The following CEP44 variants were observed in gnomAD, a reference collection of about 807,000 sequenced individuals.
CEP44 encodes centrosomal protein 44, also known as centrosomal protein of 44 kDa.
Under a neutral mutation model 46.7 loss-of-function variants are expected in CEP44, and 45 were observed. That is an observed-to-expected ratio of 0.96 (90% CI 0.76 to 1.24). CEP44 has a LOEUF of 1.24. CEP44 is among the 50% of genes most tolerant of loss of function. The pLI is 0.00. For synonymous variants in CEP44, 142 were observed against 146.0 expected (o/e 0.97, Z 0.20); for missense variants, 475 against 459.7 (o/e 1.03, Z -0.30).
chr4:174,304,359 C>A lies in CEP44; in HGVS notation c.497C>A (p.Thr166Asn). 3 of 1,609,208 alleles carry A rather than the reference C, an allele frequency of 1.9e-6. No homozygotes were observed. The highest frequency in any genetic ancestry group is 2.5e-6 in the Non-Finnish European group (3 of 1,178,706). Residue 166 changes from threonine to asparagine, a missense_variant, in exon 6 of 12, where the codon ACC becomes AAC. Thr to Asn is a moderately conservative substitution (Grantham distance 65). Coordinates refer to ENST00000503780, the MANE Select transcript of CEP44 (RefSeq NM_001040157.3). Reference sequence around the variant, plus strand: ...GTTGATATCAGTGGCAGGTTTATGACCTCAGGAAAGGTATGCAACCACAAA... The same window carrying A: ...GTTGATATCAGTGGCAGGTTTATGAACTCAGGAAAGGTATGCAACCACAAA... ...VGVDISGRFM[T>N]SGKKKAVVIR... is the part of the protein sequence containing the mutation.
At chr4:174,332,906 G>A (rs1316993072) in exon 9 of CEP44, 7 of 152,090 alleles carry the variant, frequency 4.6e-5, no homozygotes, top group Admixed American at 4.6e-4. Flanking sequence ...TAGAAAACGT[G>A]GAGACATTCC....
intron 3 of CEP44, among the ~76,000 whole-genome samples, chr4:174,300,200 T>G (rs1437144000): frequency 6.6e-6 from 1 of 152,160 alleles, no homozygotes; most frequent in Non-Finnish European, 1.5e-5. Flanking sequence ...GATATTCTAA[T>G]AACTCTTGAG....
downstream of CEP44, among the ~76,000 whole-genome samples, chr4:174,321,235 A>G (rs954945134): frequency 9.2e-5 from 14 of 152,144 alleles, no homozygotes; most frequent in Non-Finnish European, 1.9e-4. Flanking sequence ...TTCTTGTTTT[A>G]TTATCATAAC....
chr4:174,324,409 G>A (rs1316869299), downstream of CEP44, among the ~76,000 whole-genome samples: 1 of 152,078 alleles, frequency 6.6e-6, no homozygotes, highest in East Asian at 1.9e-4. Context: ...AAATGCCTAG[G>A]AGTGGGATGG....
At chr4:174,316,665 A>C in intron 11 of CEP44, 98 bp downstream of exon 11, 1 of 1,093,670 alleles carries the variant, frequency 9.1e-7, no homozygotes, top group Non-Finnish European at 1.3e-6. Flanking sequence ...TCAAACCTTA[A>C]AGGTCTCTCA....
chr4:174,331,503 A>C lies in CEP44; in HGVS notation c.1108A>C (p.Thr370Pro). The change falls in exon 9 of 9, where the codon ACA becomes CCA. Residue 370 changes from threonine (T) to proline (P), a missense_variant. Physicochemically the swap from Thr to Pro is conservative, Grantham distance 38. Transcript: ENST00000426172. This position sits in a 1 kb window ranked among gnomAD's most constrained non-coding sequence, Gnocchi z 4.5. The stretch of plus-strand genomic sequence containing the variant: ...CTAGAATTTTCCTGCATGGAGTGCT[A>C]CATCCTCTTGTTCCAGTCTCAGCTG... 1 of 1,551,574 alleles carries C rather than the reference A, an allele frequency of 6.4e-7. No homozygotes were observed. Among genetic ancestry groups the C allele is most frequent in the Non-Finnish European group, 8.7e-7 (1 of 1,146,918 alleles).
chr4:174,316,551 G>A lies in CEP44; in HGVS notation c.1108G>A (p.Glu370Lys). 1 of 1,587,268 alleles carries A rather than the reference G, an allele frequency of 6.3e-7. No individual in the cohort carries two copies. Among genetic ancestry groups the A allele is most frequent in the South Asian group, 1.2e-5 (1 of 86,656 alleles). ...ISEETTIQKMERMKKMFEETA... is the reference protein window; with the variant it reads ...ISEETTIQKMKRMKKMFEETA... ...AAAGGAAACAACAATCCAGAAAATG[G>A]AAAGGATGAAAAAAATGTAAGTAAC... Residue 370 changes from glutamate to lysine, a missense_variant, in exon 11 of 12, where the codon GAA (glutamate) becomes AAA (lysine). Glu to Lys is a moderately conservative substitution (Grantham distance 56, BLOSUM62 1). Coordinates refer to ENST00000503780, the MANE Select transcript of CEP44 (RefSeq NM_001040157.3).
At position 174,319,770 on chromosome 4, in the gene CEP44, AAG is replaced by A. The variant is rs1742137679; in HGVS notation, c.*2390_*2391del. Reference sequence around the variant, plus strand: ...AATATATCATACATTTACACTTACAAAGAGTCTTTATCTAGACAACATAATTT... The same window carrying A: ...AATATATCATACATTTACACTTACAAAGTCTTTATCTAGACAACATAATTT... On this transcript the variant is annotated 3_prime_UTR_variant, in exon 12 of 12. Coordinates refer to ENST00000503780, the MANE Select transcript of CEP44 (RefSeq NM_001040157.3). 1 of 913,094 alleles carries A rather than the reference AAG, an allele frequency of 1.1e-6. No individual in the cohort carries two copies. The highest frequency in any genetic ancestry group is 1.3e-6 in the Non-Finnish European group (1 of 766,290). 56.6% of individuals were successfully genotyped at this position (913,094 alleles called of 1,614,324 possible).
Position 174,287,505 on chromosome 4 carries a change from T to A in CEP44, c.-148+3562T>A, listed in dbSNP as rs1031330779. 9.2e-5 allele frequency among the ~76,000 whole-genome samples: 14 copies of A among 152,162 alleles called. No individual in the cohort carries two copies. Among genetic ancestry groups the A allele is most frequent in the African/African-American group, 3.1e-4 (13 of 41,430 alleles). ...GCATGTGCAAAGGTGTTGAACAGCT[T>A]GAGATATCACCAAACATCCTTATCC... On this transcript the variant is annotated intron_variant, in intron 1 of 11. Transcript: ENST00000503780. The surrounding 1 kb of genome is among the most constrained non-coding windows in gnomAD (Gnocchi z 5.1).
At chr4:174,328,824 C>T (rs992245297) in intron 8 of CEP44, among the ~76,000 whole-genome samples, 15 of 152,094 alleles carry the variant, frequency 9.9e-5, no homozygotes, top group Non-Finnish European at 1.8e-4. Context: ...CTTTTCAAGC[C>T]TAAATCATCC....
downstream of CEP44, among the ~76,000 whole-genome samples, chr4:174,323,113 ACTC>A (rs985595653): frequency 6.6e-6 from 1 of 151,960 alleles, no homozygotes; most frequent in Non-Finnish European, 1.5e-5. Flanking sequence ...AATATAAAAA[ACTC>A]CTGCAACAAA....
chr4:174,314,646 C>T lies in CEP44; in HGVS notation c.962-1520C>T, dbSNP rs780790460. On this transcript the variant is annotated intron_variant, in intron 9 of 11. Coordinates refer to ENST00000503780, the MANE Select transcript of CEP44 (RefSeq NM_001040157.3). This position sits in a 1 kb window ranked among gnomAD's most constrained non-coding sequence, Gnocchi z 4.1. Reference sequence around the variant, plus strand: ...CTGTTTCCTTTTCCTAGGGCCCCCTCCTCTTTTTGGAAAGATGTCCGAAAT... The same window carrying T: ...CTGTTTCCTTTTCCTAGGGCCCCCTTCTCTTTTTGGAAAGATGTCCGAAAT... Among the ~76,000 whole-genome samples the T allele has an allele frequency of 2.6e-5, 4 of 152,184 alleles. No homozygotes were observed. Among genetic ancestry groups the T allele is most frequent in the Non-Finnish European group, 5.9e-5 (4 of 68,030 alleles).
At position 174,325,510 on chromosome 4, in the gene CEP44, C is replaced by A. The variant is rs1195087400; in HGVS notation, c.1087-5972C>A. ...CTCTACAAAAATTTTTTTAAATTAG[C>A]CAAGCATAGTGGTATGCACCTGTAG... On this transcript the variant is annotated intron_variant, in intron 8 of 8. Coordinates refer to the CEP44 transcript ENST00000426172. This position sits in a 1 kb window ranked among gnomAD's most constrained non-coding sequence, Gnocchi z 4.4. Among the ~76,000 whole-genome samples the A allele has an allele frequency of 6.6e-6, 1 of 151,934 alleles. No homozygotes were observed. Among genetic ancestry groups the A allele is most frequent in the South Asian group, 2.1e-4 (1 of 4,808 alleles).
downstream of CEP44, among the ~76,000 whole-genome samples, chr4:174,323,392 C>T (rs554975478): frequency 1.1e-3 from 167 of 152,146 alleles, no homozygotes; most frequent in Middle Eastern, 3.4e-3. Flanking sequence ...ATTCATATAG[C>T]CACCACCATA....
At position 174,290,924 on chromosome 4, in the gene CEP44, G is replaced by C. The variant is rs778227374; in HGVS notation, c.-148+6981G>C. ...GCCTTCTTTGTCTCTTTTGACAGTT[G>C]TCGACTTAAAGTCTATTTTGTCTGA... On this transcript the variant is annotated intron_variant, in intron 1 of 11. Coordinates refer to ENST00000503780, the MANE Select transcript of CEP44 (RefSeq NM_001040157.3). The surrounding 1 kb of genome is among the most constrained non-coding windows in gnomAD (Gnocchi z 4.3). 1.1e-4 allele frequency among the ~76,000 whole-genome samples: 17 copies of C among 152,188 alleles called. No individual in the cohort carries two copies. In the Middle Eastern group the frequency reaches 0.01, roughly 92 times the overall value.
exon 9 of CEP44, chr4:174,332,278 A>T (rs1731357974): frequency 6.6e-6 from 1 of 152,226 alleles, no homozygotes; most frequent in Non-Finnish European, 1.5e-5. Flanking sequence ...AAATAAATTA[A>T]GTCCCTTATA....
chr4:174,327,456 A>G (rs1222434715), intron 8 of CEP44, among the ~76,000 whole-genome samples: 4 of 151,952 alleles, frequency 2.6e-5, no homozygotes, highest in African/African-American at 9.7e-5. Context: ...GATTATACAT[A>G]TTAAAGAAGA....
At position 174,310,055 on chromosome 4, in the gene CEP44, A is replaced by C; in HGVS notation, c.884A>C (p.Lys295Thr). ...LLETEMLLSKKNDEFIEFNEV... is the reference protein window; with the variant it reads ...LLETEMLLSKTNDEFIEFNEV... ...GAAACAGAAATGCTTTTGTCTAAAA[A>C]GGTATTTTCCTCCTTTAACATTTAT... Residue 295 changes from lysine to threonine, a missense_variant and splice_region_variant, in exon 8 of 12, where the codon AAG becomes ACG. Transcript: ENST00000503780. The surrounding 1 kb of genome is among the most constrained non-coding windows in gnomAD (Gnocchi z 4.2). 1 of 1,609,802 alleles carries C rather than the reference A, an allele frequency of 6.2e-7. No homozygotes were observed. Among genetic ancestry groups the C allele is most frequent in the Non-Finnish European group, 8.5e-7 (1 of 1,178,056 alleles).
At position 174,326,620 on chromosome 4, in the gene CEP44, A is replaced by T. The variant is rs1742688038; in HGVS notation, c.1087-4862A>T. Reference sequence around the variant, plus strand: ...GCTATTTATTCTTTCATGTAGATCCACATTTCTTCTTGATATAATTTTCCT... The same window carrying T: ...GCTATTTATTCTTTCATGTAGATCCTCATTTCTTCTTGATATAATTTTCCT... On this transcript the variant is annotated intron_variant, in intron 8 of 8. Coordinates refer to the CEP44 transcript ENST00000426172. The surrounding 1 kb of genome is among the most constrained non-coding windows in gnomAD (Gnocchi z 4.8). Among the ~76,000 whole-genome samples, 1 of 151,994 alleles carries T rather than the reference A, an allele frequency of 6.6e-6. No individual in the cohort carries two copies. Among genetic ancestry groups the T allele is most frequent in the Non-Finnish European group, 1.5e-5 (1 of 67,922 alleles).
Sources: allele counts gnomAD v4.1 joint callset (sites outside exome capture counted in the v4.1 genomes callset), GRCh38; gene constraint gnomAD v4.1.1; non-coding constraint Gnocchi (gnomAD v3.1); transcripts MANE v1.5; gene names NCBI Gene and HGNC (gene_info 2026-07-23, HGNC 2026-07-21).